GCN1: variants seen among roughly 807,000 people sequenced by gnomAD.
GCN1 encodes stalled ribosome sensor GCN1.
A neutral mutation model predicts 288.4 loss-of-function variants in GCN1; 90 were observed. The observed-to-expected ratio is 0.31, with a 90% CI of 0.26 to 0.37. The LOEUF (loss-of-function observed/expected upper bound fraction) is 0.37. Ranked by LOEUF, GCN1 falls within the 10% of genes least tolerant of loss-of-function variation. The probability of loss-of-function intolerance (pLI) is 1.00; values close to 1 mark genes in which losing one functional copy is unlikely to be tolerated. For synonymous variants in GCN1, 1,386 were observed against 1,420.2 expected (o/e 0.98, Z 0.54); for missense variants, 2,586 against 3,419.9 (o/e 0.76, Z 6.08).
chr12:120,138,929 G>A, intron 45 of GCN1, 73 bp from the exon 46 acceptor site: 1 of 1,386,842 alleles, frequency 7.2e-7, no homozygotes, highest in Non-Finnish European at 9.9e-7. Context: ...AAGAAGCACA[G>A]GCAGGGGACT....
At chr12:120,177,617 A>G in intron 8 of GCN1, 62 bp from the exon 9 acceptor site, 3 of 1,544,230 alleles carry the variant, frequency 1.9e-6, no homozygotes, top group Non-Finnish European at 2.7e-6. Context: ...AGCAAAAAAG[A>G]GTTCAGCATC....
chr12:120,164,758 A>G (rs1199086100), intron 16 of GCN1, 37 bp from the exon 17 acceptor site: 1 of 1,412,572 alleles, frequency 7.1e-7, no homozygotes, highest in Non-Finnish European at 1.0e-6. Context: ...TGTTTTTAAA[A>G]TAGTTAAGTG....
intron 5 of GCN1, among the ~76,000 whole-genome samples, chr12:120,179,291 C>A (rs1878576425): frequency 6.6e-6 from 1 of 150,586 alleles, no homozygotes; most frequent in African/African-American, 2.4e-5. Flanking sequence ...AGTGCAGTGG[C>A]ACAATCTCGG....
At chr12:120,178,480 A>T in intron 7 of GCN1, 145 bp downstream of exon 7, 1 of 763,254 alleles carries the variant, frequency 1.3e-6, no homozygotes, top group Non-Finnish European at 2.2e-6. Context: ...AAAAGGCCAG[A>T]GTCTCACATG....
intron 18 of GCN1, among the ~76,000 whole-genome samples, chr12:120,163,730 A>G (rs1566310659): frequency 1.3e-5 from 2 of 152,222 alleles, no homozygotes; most frequent in Non-Finnish European, 2.9e-5. Flanking sequence ...TTTGCCTTTG[A>G]AACGCATTGT....
chr12:120,158,745 G>A lies in GCN1; in HGVS notation c.2750-130C>T, dbSNP rs1196845979. 5.3e-6 allele frequency: 4 copies of A among 751,920 alleles called. No homozygotes were observed. Among genetic ancestry groups the A allele is most frequent in the Non-Finnish European group, 6.3e-6 (3 of 473,698 alleles). The allele number at this position is 751,920 out of a possible 1,614,324, so 46.6% of individuals were successfully genotyped here. A position where few individuals can be genotyped will look rare whatever the true frequency, so the allele number is the denominator to read the frequency against. Reference sequence around the variant, plus strand: ...AATATTTCTGCGGCTGGGCGCGGTGGCTGATGCCTGTAATCCCAGCACTTT... The same window carrying A: ...AATATTTCTGCGGCTGGGCGCGGTGACTGATGCCTGTAATCCCAGCACTTT... On this transcript the variant is annotated intron_variant, in intron 24 of 57. Coordinates refer to ENST00000300648, the MANE Select transcript of GCN1 (RefSeq NM_006836.2). The surrounding 1 kb of genome is among the most constrained non-coding windows in gnomAD (Gnocchi z 4.3).
At chr12:120,135,806 C>T (rs374091277) in intron 51 of GCN1, among the ~76,000 whole-genome samples, 1 of 151,804 alleles carries the variant, frequency 6.6e-6, no homozygotes, top group African/African-American at 2.4e-5. Flanking sequence ...CTGAGCTGTG[C>T]GAGGTCAGGA....
intron 13 of GCN1, 64 bp from the exon 14 acceptor site, chr12:120,173,890 C>A: frequency 4.9e-6 from 7 of 1,433,896 alleles, no homozygotes; most frequent in Non-Finnish European, 6.8e-6. Flanking sequence ...TCATTGCAAG[C>A]AGTGCAAAAA....
intron 31 of GCN1, among the ~76,000 whole-genome samples, chr12:120,154,302 A>G (rs1877668545): frequency 6.6e-6 from 1 of 152,248 alleles, no homozygotes; most frequent in Non-Finnish European, 1.5e-5. Context: ...CTTTCCAGTC[A>G]TGGAGCAAAG....
Position 120,134,441 on chromosome 12 carries a change from C to T in GCN1, c.7203-36G>A. On this transcript the variant is annotated intron_variant, in intron 52 of 57. Transcript: ENST00000300648. The surrounding 1 kb of genome is among the most constrained non-coding windows in gnomAD (Gnocchi z 5.0). Reference sequence around the variant, plus strand: ...AATGCACCGCCTTAAGCCCTGGGTGCCTCCACCACCACCCCTCCTGCCAGC... The same window carrying T: ...AATGCACCGCCTTAAGCCCTGGGTGTCTCCACCACCACCCCTCCTGCCAGC... 1 of 1,583,662 alleles carries T rather than the reference C, an allele frequency of 6.3e-7. No homozygotes were observed. Among genetic ancestry groups the T allele is most frequent in the Non-Finnish European group, 8.7e-7 (1 of 1,152,648 alleles).
In GCN1 at chr12:120,148,119, C is replaced by T. The variant is rs371984937; in HGVS notation, c.4726+48G>A. On this transcript the variant is annotated intron_variant, in intron 37 of 57. Transcript: ENST00000300648. The stretch of plus-strand genomic sequence containing the variant: ...AGTTCCCTGCAGTGTCCAAAGGCTG[C>T]GGCGTTGGTGGGAGGTCAGGGCAAG... 3.7e-5 allele frequency: 52 copies of T among 1,399,190 alleles called. No individual in the cohort carries two copies. In the African/African-American group the frequency reaches 5.4e-4, roughly 15 times the overall value. The allele number at this position is 1,399,190 out of a possible 1,614,324, so 86.7% of individuals were successfully genotyped here.
At chr12:120,164,865 GTTTT>G (rs1179691643) in intron 16 of GCN1, 144 bp from the exon 17 acceptor site, 5 of 373,360 alleles carry the variant, frequency 1.3e-5, no homozygotes, top group African/African-American at 6.9e-5. Flanking sequence ...ATTACAGCTT[GTTTT>G]TTTTTTTTTG....
intron 56 of GCN1, among the ~76,000 whole-genome samples, chr12:120,130,365 A>C (rs1876774974): frequency 6.6e-6 from 1 of 152,170 alleles, no homozygotes; most frequent in Admixed American, 6.5e-5. Context: ...ATTTTACAAA[A>C]CTACGGTGCC....
chr12:120,179,742 A>T (rs1051417921), intron 5 of GCN1, among the ~76,000 whole-genome samples: 3 of 152,172 alleles, frequency 2.0e-5, no homozygotes, highest in African/African-American at 7.2e-5. Flanking sequence ...GAAAAAAGAG[A>T]TATTAAACAA....
intron 56 of GCN1, among the ~76,000 whole-genome samples, chr12:120,130,327 T>C (rs1217754534): frequency 6.6e-6 from 1 of 152,108 alleles, no homozygotes; most frequent in Non-Finnish European, 1.5e-5. Flanking sequence ...AAGAGAGGTA[T>C]TAAGATGGGA....
rs35819206 is a variant in GCN1 at position 120,169,276 on chromosome 12, CAAAAAAAAA to C, written c.1519+884_1519+892del. On this transcript the variant is annotated intron_variant, in intron 15 of 57. Coordinates refer to ENST00000300648, the MANE Select transcript of GCN1 (RefSeq NM_006836.2). The stretch of plus-strand genomic sequence containing the variant: ...TGGGCGACAGAGCGAAACTCCGTCT[CAAAAAAAAA>C]AAAAAAAAAAGAAAAAAAAAAAAGA... 2.0e-4 allele frequency among the ~76,000 whole-genome samples: 13 copies of C among 66,662 alleles called. No individual in the cohort carries two copies. The South Asian group carries it at 2.7e-3, about 14-fold the overall frequency. The allele number at this position is 66,662 out of a possible 152,430, so 43.7% of individuals were successfully genotyped here.
chr12:120,148,405 C>A (rs1426933753), intron 36 of GCN1, 59 bp from the exon 37 acceptor site: 2 of 1,394,894 alleles, frequency 1.4e-6, no homozygotes, highest in Non-Finnish European at 2.0e-6. Context: ...AGCAACTCAC[C>A]TGTGCTGGCT....
chr12:120,178,768 GA>G lies in GCN1; in HGVS notation c.526-10del. 1 of 1,614,222 alleles carries G rather than the reference GA, an allele frequency of 6.2e-7. No individual in the cohort carries two copies. The highest frequency in any genetic ancestry group is 8.5e-7 in the Non-Finnish European group (1 of 1,180,020). On this transcript the variant is annotated splice_polypyrimidine_tract_variant and intron_variant, in intron 6 of 57. Coordinates refer to ENST00000300648, the MANE Select transcript of GCN1 (RefSeq NM_006836.2). ...TCCACCAGCCCGGGGTTCTGAAGAG[GA>G]AAGTGCCAGGCAGGTGTTTAAGATG...
intron 12 of GCN1, 29 bp downstream of exon 12, chr12:120,175,126 CAAAAAAA>C (rs58560211): frequency 2.0e-4 from 212 of 1,064,392 alleles, no homozygotes; most frequent in Middle Eastern, 4.5e-4. Flanking sequence ...GACTTTCTCT[CAAAAAAA>C]AAAAAAAAAA....
Sources: allele counts gnomAD v4.1 joint callset (sites outside exome capture counted in the v4.1 genomes callset), GRCh38; gene constraint gnomAD v4.1.1; non-coding constraint Gnocchi (gnomAD v3.1); transcripts MANE v1.5; gene names NCBI Gene and HGNC (gene_info 2026-07-23, HGNC 2026-07-21).